The following RFX4 variants were observed in gnomAD, a reference collection of about 807,000 sequenced individuals.
The protein encoded by RFX4 is regulatory factor X4.
RFX4 carries 10 observed loss-of-function variants against 95.0 expected under a neutral mutation model. That is an observed-to-expected ratio of 0.11 (90% CI 0.06 to 0.18). The LOEUF (loss-of-function observed/expected upper bound fraction) is 0.18. Among genes scored for constraint, RFX4 ranks in the 10% least tolerant of loss-of-function variants. RFX4 has a pLI of 1.00. For missense variants in RFX4, 640 were observed against 922.0 expected, an observed-to-expected ratio of 0.69 and a Z score of 3.96; for synonymous variants, 321 against 340.7, an observed-to-expected ratio of 0.94 and a Z score of 0.64.
In RFX4 at chr12:106,724,600, T is replaced by C. The variant is rs138467797; in HGVS notation, c.1351+3724T>C. The stretch of plus-strand genomic sequence containing the variant: ...ACAATGGAGTAATATCTTTTAAGTG[T>C]TGAGAACAAAGAACTGTCAACTATT... On this transcript the variant is annotated intron_variant, in intron 13 of 17. Coordinates refer to ENST00000392842, the MANE Select transcript of RFX4 (RefSeq NM_213594.3). Among the ~76,000 whole-genome samples, 31 of 152,276 alleles carry C rather than the reference T, an allele frequency of 2.0e-4. 1 individual carries two copies. In the Middle Eastern group the frequency reaches 0.01, roughly 50 times the overall value.
intron 13 of RFX4, among the ~76,000 whole-genome samples, chr12:106,728,228 A>G (rs562824308): frequency 1.3e-5 from 2 of 150,996 alleles, no homozygotes; most frequent in African/African-American, 4.9e-5. Context: ...GCCTTTTTCC[A>G]TAACAGGCTC....
At chr12:106,674,702 T>C (rs1359055553) in intron 4 of RFX4, among the ~76,000 whole-genome samples, 1 of 152,198 alleles carries the variant, frequency 6.6e-6, no homozygotes, top group African/African-American at 2.4e-5. Context: ...TGATAGAAGA[T>C]ACATTGACTT....
At chr12:106,719,935 T>C in intron 11 of RFX4, 25 bp from the exon 12 acceptor site, 1 of 1,570,326 alleles carries the variant, frequency 6.4e-7, no homozygotes, top group East Asian at 2.2e-5. Flanking sequence ...CAGTGATGCG[T>C]GTGGGGTTCT....
intron 8 of RFX4, among the ~76,000 whole-genome samples, chr12:106,696,863 C>T (rs2041889767): frequency 6.6e-6 from 1 of 152,160 alleles, no homozygotes; most frequent in African/African-American, 2.4e-5. Flanking sequence ...TGCTGTAAAA[C>T]AAAACAACTT....
intron 1 of RFX4, among the ~76,000 whole-genome samples, chr12:106,590,841 G>A (rs2039529270): frequency 6.6e-6 from 1 of 152,142 alleles, no homozygotes; most frequent in African/African-American, 2.4e-5. Flanking sequence ...CACCTACTCA[G>A]GAGGCTGAGA....
intron 3 of RFX4, among the ~76,000 whole-genome samples, chr12:106,653,000 T>G (rs1182842003): frequency 6.6e-6 from 1 of 152,162 alleles, no homozygotes; most frequent in Admixed American, 6.5e-5. Flanking sequence ...CCAAATAACT[T>G]TGGGTTGTTT....
At chr12:106,587,676 C>CCCG (rs2039480676) in intron 1 of RFX4, among the ~76,000 whole-genome samples, 1 of 152,252 alleles carries the variant, frequency 6.6e-6, no homozygotes, top group Non-Finnish European at 1.5e-5. Context: ...GGGCAGTGCG[C>CCCG]CCGCCTCCCC....
intron 14 of RFX4, 66 bp downstream of exon 14, chr12:106,732,315 T>G: frequency 6.3e-7 from 1 of 1,583,282 alleles, no homozygotes. Context: ...ACTTCTGTGC[T>G]TTATGTTTCT....
In RFX4 at chr12:106,601,335, G is replaced by A. The variant is rs755800811; in HGVS notation, c.44-7462G>A. ...GGCGACAGGACCAGGCCTCGACGGC[G>A]CCGTTCCACTGGTAATGACCAGGGC... On this transcript the variant is annotated intron_variant, in intron 1 of 17. Transcript: ENST00000392842. 57 of 1,585,062 alleles carry A rather than the reference G, an allele frequency of 3.6e-5. 1 individual carries two copies. The South Asian group carries it at 4.6e-4, about 13-fold the overall frequency.
chr12:106,720,950 AG>A lies in RFX4; in HGVS notation c.1351+75del. 2.3e-6 allele frequency: 3 copies of A among 1,284,336 alleles called. No individual in the cohort carries two copies. Among genetic ancestry groups the A allele is most frequent in the Middle Eastern group, 2.7e-4 (1 of 3,742 alleles). 79.6% of individuals were successfully genotyped at this position (1,284,336 alleles called of 1,614,324 possible). ...CACGGAGCCCAGAGGAATCTACCAC[AG>A]TCTAACTTGCTGTTTCTGCAAGGTC... On this transcript the variant is annotated intron_variant, in intron 13 of 17. Transcript: ENST00000392842. This position sits in a 1 kb window ranked among gnomAD's most constrained non-coding sequence, Gnocchi z 4.2.
intron 1 of RFX4, among the ~76,000 whole-genome samples, chr12:106,604,083 T>TATTC (rs1357927673): frequency 2.0e-5 from 3 of 151,770 alleles, no homozygotes; most frequent in African/African-American, 7.3e-5. Flanking sequence ...AAGCCAGTCT[T>TATTC]ATTCATGTTT....
chr12:106,601,779 C>T (rs1016498349), intron 1 of RFX4, among the ~76,000 whole-genome samples: 10 of 152,350 alleles, frequency 6.6e-5, no homozygotes, highest in African/African-American at 2.4e-4. Flanking sequence ...TGTCTCCCAC[C>T]ACTGGGAGTC....
Position 106,701,762 on chromosome 12 carries a change from C to T in RFX4, c.833+5316C>T, listed in dbSNP as rs73391365. 8.3e-3 allele frequency among the ~76,000 whole-genome samples: 1,258 copies of T among 152,128 alleles called. 12 individuals carry two copies. Among genetic ancestry groups the T allele is most frequent in the African/African-American group, 0.029 (1,196 of 41,460 alleles). On this transcript the variant is annotated intron_variant, in intron 8 of 17. Transcript: ENST00000392842. The stretch of plus-strand genomic sequence containing the variant: ...TAATTTCTGCATTCTGGCTGGGTGC[C>T]GTATGGCTCACACCTGTAATCCCAG...
At chr12:106,694,020 C>G (rs991893081) in intron 7 of RFX4, among the ~76,000 whole-genome samples, 1 of 152,196 alleles carries the variant, frequency 6.6e-6, no homozygotes, top group East Asian at 1.9e-4. Context: ...TATGATACTC[C>G]TCAGTAGTGG....
intron 16 of RFX4, among the ~76,000 whole-genome samples, chr12:106,748,719 T>A (rs959824329): frequency 6.6e-5 from 10 of 150,714 alleles, no homozygotes; most frequent in Admixed American, 4.6e-4. Flanking sequence ...AAGGCCGAGG[T>A]GGGTGGATCA....
intron 5 of RFX4, chr12:106,682,452 C>G (rs2041534862): frequency 4.8e-6 from 1 of 206,656 alleles, no homozygotes. Flanking sequence ...CTGTACTATT[C>G]CCTGCATGGG....
intron 1 of RFX4, among the ~76,000 whole-genome samples, chr12:106,587,496 G>C (rs902894445): frequency 2.0e-5 from 3 of 152,228 alleles, no homozygotes; most frequent in Non-Finnish European, 2.9e-5. Context: ...GGGCCTCCCC[G>C]CCGCTGTGTG....
chr12:106,684,924 G>C, intron 5 of RFX4: 1 of 1,613,628 alleles, frequency 6.2e-7, no homozygotes, highest in East Asian at 2.2e-5. Context: ...AGGAGTAAAG[G>C]AGGGTTGGGG....
At chr12:106,690,389 C>G (rs2041755358) in intron 7 of RFX4, among the ~76,000 whole-genome samples, 1 of 152,202 alleles carries the variant, frequency 6.6e-6, no homozygotes, top group Non-Finnish European at 1.5e-5. Context: ...TCCCTGCTTT[C>G]TTTCGAACTG....
Sources: gnomAD v4.1 joint callset for allele counts (sites outside exome capture counted in the v4.1 genomes callset) on GRCh38, gnomAD v4.1.1 for gene constraint, Gnocchi (gnomAD v3.1) non-coding constraint, MANE v1.5 for transcripts, NCBI Gene and HGNC (gene_info 2026-07-23, HGNC 2026-07-21) for gene names.